The following JAKMIP3 variants were observed in gnomAD, a reference collection of about 807,000 sequenced individuals.
JAKMIP3 encodes the protein janus kinase and microtubule-interacting protein 3.
JAKMIP3 carries 58 observed loss-of-function variants against 118.5 expected under a neutral mutation model. That is an observed-to-expected ratio of 0.49 (90% CI 0.40 to 0.61). The LOEUF (loss-of-function observed/expected upper bound fraction) is 0.61. Ranked by LOEUF, JAKMIP3 falls within the 20% of genes least tolerant of loss-of-function variation. The pLI is 0.00. For missense variants in JAKMIP3, 950 were observed against 1,109.0 expected (o/e 0.86, Z 2.04); for synonymous variants, 486 against 451.2 (o/e 1.08, Z -0.98).
intron 1 of JAKMIP3, among the ~76,000 whole-genome samples, chr10:132,076,463 G>A (rs779110937): frequency 4.6e-5 from 7 of 152,284 alleles, no homozygotes; most frequent in Non-Finnish European, 7.3e-5. Context: ...TCACGTTGCC[G>A]TGAACATACC....
chr10:132,084,975 C>CT (rs2042201801), intron 1 of JAKMIP3, among the ~76,000 whole-genome samples: 1 of 152,162 alleles, frequency 6.6e-6, no homozygotes. Context: ...ATTCGGTTAG[C>CT]TAGTATTTTG....
intron 3 of JAKMIP3, among the ~76,000 whole-genome samples, chr10:132,122,226 G>A (rs1036566239): frequency 3.3e-5 from 5 of 150,534 alleles, no homozygotes; most frequent in Non-Finnish European, 7.4e-5. Context: ...CCCCCCGGTC[G>A]GCTCCCCGGC....
intron 13 of JAKMIP3, among the ~76,000 whole-genome samples, chr10:132,146,124 GCCCCGCCCCCAC>G (rs2054553019): frequency 6.8e-6 from 1 of 146,798 alleles, no homozygotes; most frequent in African/African-American, 2.5e-5. Flanking sequence ...CTGAAGTGCT[GCCCCGCCCCCAC>G]CCCCACCCCC....
chr10:132,047,401 A>AT (rs2037949454), intron 1 of JAKMIP3, among the ~76,000 whole-genome samples: 1 of 152,230 alleles, frequency 6.6e-6, no homozygotes. Flanking sequence ...AAAGTGGAGG[A>AT]GTAGGGCATG....
intron 3 of JAKMIP3, among the ~76,000 whole-genome samples, chr10:132,125,188 G>A (rs2049285527): frequency 6.6e-6 from 1 of 152,254 alleles, no homozygotes; most frequent in East Asian, 1.9e-4. Flanking sequence ...TCGCTCAGAT[G>A]CCTTATTGTT....
At chr10:132,132,195 C>A (rs774401368) in intron 3 of JAKMIP3, among the ~76,000 whole-genome samples, 1 of 152,248 alleles carries the variant, frequency 6.6e-6, no homozygotes, top group African/African-American at 2.4e-5. Flanking sequence ...CATCTCATTT[C>A]TTTGTTTCCA....
At chr10:132,139,699 G>A (rs1564949714) in intron 9 of JAKMIP3, among the ~76,000 whole-genome samples, 1 of 152,234 alleles carries the variant, frequency 6.6e-6, no homozygotes, top group African/African-American at 2.4e-5. Flanking sequence ...GTGAAGGGAG[G>A]ACACAGGGTG....
At chr10:132,163,167 G>C in intron 19 of JAKMIP3, 42 bp from the exon 20 acceptor site, 1 of 1,529,086 alleles carries the variant, frequency 6.5e-7, no homozygotes, top group Admixed American at 2.0e-5. Context: ...GGTTTGTTCT[G>C]GGGAGAAGGC....
At chr10:132,166,436 C>T (rs1046686954) in intron 21 of JAKMIP3, among the ~76,000 whole-genome samples, 2 of 152,212 alleles carry the variant, frequency 1.3e-5, no homozygotes, top group African/African-American at 2.4e-5. Context: ...GGGCCTGGCT[C>T]CCGACCCCCA....
Position 132,135,030 on chromosome 10 carries a change from T to C in JAKMIP3, c.850-11T>C. 6.2e-7 allele frequency: 1 copy of C among 1,611,850 alleles called. No individual in the cohort carries two copies. Among genetic ancestry groups the C allele is most frequent in the East Asian group, 2.2e-5 (1 of 44,814 alleles). On this transcript the variant is annotated splice_polypyrimidine_tract_variant and intron_variant, in intron 4 of 23. Coordinates refer to ENST00000684848, the MANE Select transcript of JAKMIP3 (RefSeq NM_001323087.2). ...GTAGGAACCGTTATTTGCAGTTGAT[T>C]TTTGTTTTAGGAACAGCAGTTGGAT...
chr10:132,109,625 G>A (rs1446753108), intron 2 of JAKMIP3, among the ~76,000 whole-genome samples: 2 of 152,040 alleles, frequency 1.3e-5, no homozygotes, highest in Non-Finnish European at 2.9e-5. Context: ...GCCTCCGGCC[G>A]CTTTTCTTCC....
chr10:132,110,301 T>C (rs2135140872), intron 2 of JAKMIP3, among the ~76,000 whole-genome samples: 1 of 152,350 alleles, frequency 6.6e-6, no homozygotes, highest in African/African-American at 2.4e-5. Context: ...CACGGGCAGG[T>C]GCTCCCGGGC....
intron 16 of JAKMIP3, among the ~76,000 whole-genome samples, chr10:132,151,024 C>G (rs2056088869): frequency 6.6e-6 from 1 of 152,040 alleles, no homozygotes; most frequent in East Asian, 1.9e-4. Flanking sequence ...CATCCTCCAT[C>G]CATTCCTTCT....
chr10:132,142,314 G>A (rs1470817221), intron 11 of JAKMIP3, among the ~76,000 whole-genome samples: 3 of 152,218 alleles, frequency 2.0e-5, no homozygotes, highest in South Asian at 4.1e-4. Flanking sequence ...GGGAGGCGGG[G>A]TGGTAGTGGT....
At chr10:132,148,161 C>CATGAA (rs201798931) in intron 14 of JAKMIP3, 111 bp downstream of exon 14, 29 of 677,544 alleles carry the variant, frequency 4.3e-5, no homozygotes, top group Non-Finnish European at 6.5e-5. Flanking sequence ...TGAACATGAA[C>CATGAA]CCAAAAGGCT....
At chr10:132,081,848 C>T (rs933657851) in intron 1 of JAKMIP3, among the ~76,000 whole-genome samples, 3 of 151,994 alleles carry the variant, frequency 2.0e-5, no homozygotes, top group Non-Finnish European at 4.4e-5. Flanking sequence ...ACAGAGCAGC[C>T]CTCATCGGCC....
At chr10:132,171,029 G>A in intron 23 of JAKMIP3, among the ~76,000 whole-genome samples, 1 of 152,248 alleles carries the variant, frequency 6.6e-6, no homozygotes, top group East Asian at 1.9e-4. Context: ...GGAAACCTGT[G>A]AGCAGAAACC....
chr10:132,179,744 C>T lies in JAKMIP3; in HGVS notation c.*1104-2613C>T, dbSNP rs531116795. Among the ~76,000 whole-genome samples the T allele has an allele frequency of 2.0e-5, 3 of 152,108 alleles. No individual in the cohort carries two copies. The highest frequency in any genetic ancestry group is 1.9e-4 in the East Asian group (1 of 5,150). ...GCAGGGTCGCACCACAGCAGGGTCA[C>T]GCCACGGCAGGGTCACACCACAACA... On this transcript the variant is annotated intron_variant, in intron 23 of 23. Transcript: ENST00000684848. This position sits in a 1 kb window ranked among gnomAD's most constrained non-coding sequence, Gnocchi z 4.3.
intron 1 of JAKMIP3, among the ~76,000 whole-genome samples, chr10:132,097,926 TTCCCCTTCCCCTTTCCCTTTCCCA>T (rs2044180267): frequency 9.6e-5 from 2 of 20,834 alleles, no homozygotes; most frequent in South Asian, 3.1e-3. Context: ...TCCCCTTTCC[TTCCCCTTCCCCTTTCCCTTTCCCA>T]TCCCCTTTCC....
Sources: allele counts gnomAD v4.1 joint callset (sites outside exome capture counted in the v4.1 genomes callset), GRCh38; gene constraint gnomAD v4.1.1; non-coding constraint Gnocchi (gnomAD v3.1); transcripts MANE v1.5; gene names NCBI Gene and HGNC (gene_info 2026-07-23, HGNC 2026-07-21).